The following AQR variants were observed in gnomAD, a reference collection of about 807,000 sequenced individuals.
AQR encodes the protein RNA helicase aquarius.
A neutral mutation model predicts 180.5 loss-of-function variants in AQR; 61 were observed. The observed-to-expected ratio is 0.34, with a 90% CI of 0.28 to 0.42. The LOEUF is 0.42. AQR is among the 10% of genes least tolerant of loss of function. The probability of loss-of-function intolerance (pLI) is 1.00; values close to 1 mark genes in which losing one functional copy is unlikely to be tolerated. For synonymous variants in AQR, 551 were observed against 588.8 expected (o/e 0.94, Z 0.93); for missense variants, 1,281 against 1,798.3 (o/e 0.71, Z 5.20).
At chr15:34,916,910 GA>G (rs1304182862) in intron 15 of AQR, among the ~76,000 whole-genome samples, 2 of 137,034 alleles carry the variant, frequency 1.5e-5, no homozygotes, top group African/African-American at 2.7e-5. Context: ...AAGAAAGAAA[GA>G]AAAAAAGGGA....
chr15:34,856,708 G>T lies in AQR; in HGVS notation c.*84C>A. 2 of 1,170,588 alleles carry T rather than the reference G, an allele frequency of 1.7e-6. No individual in the cohort carries two copies. Among genetic ancestry groups the T allele is most frequent in the South Asian group, 2.3e-5 (1 of 43,954 alleles). 72.5% of individuals were successfully genotyped at this position (1,170,588 alleles called of 1,614,324 possible). ...AACATTAATTAGTGACAGTAAAATG[G>T]CAGAAGCAAATATAAAATACAAAAA... On this transcript the variant is annotated 3_prime_UTR_variant, in exon 35 of 35. Coordinates refer to ENST00000156471, the MANE Select transcript of AQR (RefSeq NM_014691.3).
intron 16 of AQR, 77 bp from the exon 17 acceptor site, chr15:34,910,390 A>C (rs552054545): frequency 1.3e-6 from 2 of 1,482,396 alleles, no homozygotes; most frequent in Admixed American, 3.7e-5. Flanking sequence ...AAAACTAGTA[A>C]GTAGGAATAC....
At chr15:34,914,899 T>C in intron 16 of AQR, 139 bp downstream of exon 16, 2 of 882,460 alleles carry the variant, frequency 2.3e-6, no homozygotes, top group Non-Finnish European at 3.2e-6. Flanking sequence ...TAAAAATGTC[T>C]CAAAGAGTAA....
chr15:34,900,676 C>T lies in AQR; in HGVS notation c.2189G>A (p.Gly730Asp). 6.2e-7 allele frequency: 1 copy of T among 1,614,100 alleles called. No homozygotes were observed. Among genetic ancestry groups the T allele is most frequent in the South Asian group, 1.1e-5 (1 of 91,076 alleles). The change falls in exon 20 of 35, where the codon GGT (glycine) becomes GAT (aspartate). Residue 730 changes from glycine to aspartate, a missense_variant. Around this residue, in one of 9 missense-constraint regions of AQR, gnomAD observed 112 missense variants for 128.6 expected, o/e 0.87. Coordinates refer to ENST00000156471, the MANE Select transcript of AQR (RefSeq NM_014691.3). The stretch of plus-strand genomic sequence containing the variant: ...TTCTACAGTTACTTTAACATTATGA[C>T]CAGGGAAGCTGGCTTTTAAATGCTC... ...SIEHLKASFP[G>D]HNVKVTVEDP...
chr15:34,963,132 A>C (rs2050289257), intron 2 of AQR, among the ~76,000 whole-genome samples: 1 of 152,148 alleles, frequency 6.6e-6, no homozygotes, highest in Admixed American at 6.5e-5. Context: ...TGTGTGAGCC[A>C]CTGCACAAGC....
intron 19 of AQR, among the ~76,000 whole-genome samples, chr15:34,902,917 T>C (rs1893354266): frequency 1.3e-5 from 2 of 152,162 alleles, no homozygotes; most frequent in Non-Finnish European, 2.9e-5. Context: ...GCTTGCTTCA[T>C]TGCTTTCTAA....
intron 32 of AQR, among the ~76,000 whole-genome samples, chr15:34,863,772 A>T (rs1395203163): frequency 6.6e-6 from 1 of 152,170 alleles, no homozygotes; most frequent in Non-Finnish European, 1.5e-5. Context: ...AAAGAATCTA[A>T]GTTTTTTAAA....
chr15:34,871,023 C>T lies in AQR; in HGVS notation c.3598-101G>A, dbSNP rs886187863. ...ATAAGCAAAACTTGTTCACTTTGCA[C>T]ACTGCAAGAAGTGAAGACTTAGTAA... On this transcript the variant is annotated intron_variant, in intron 30 of 34. Coordinates refer to ENST00000156471, the MANE Select transcript of AQR (RefSeq NM_014691.3). 13 of 1,163,970 alleles carry T rather than the reference C, an allele frequency of 1.1e-5. No homozygotes were observed. In the Admixed American group the frequency reaches 2.5e-4, roughly 22 times the overall value. The allele number at this position is 1,163,970 out of a possible 1,614,324, so 72.1% of individuals were successfully genotyped here. A position where few individuals can be genotyped will look rare whatever the true frequency, so the allele number is the denominator to read the frequency against.
chr15:34,968,006 T>G (rs1307426595), intron 1 of AQR, among the ~76,000 whole-genome samples: 1 of 151,770 alleles, frequency 6.6e-6, no homozygotes, highest in African/African-American at 2.4e-5. Context: ...AGAGACAGGG[T>G]TTCTCCATGT....
At chr15:34,902,599 G>C (rs1391109200) in intron 19 of AQR, among the ~76,000 whole-genome samples, 1 of 152,096 alleles carries the variant, frequency 6.6e-6, no homozygotes, top group East Asian at 1.9e-4. Flanking sequence ...AAAGGTGTAA[G>C]TTGTGTCTGA....
At chr15:34,932,153 T>G (rs1316659943) in intron 11 of AQR, among the ~76,000 whole-genome samples, 165 bp downstream of exon 11, 12 of 152,218 alleles carry the variant, frequency 7.9e-5, no homozygotes, top group Non-Finnish European at 1.6e-4. Flanking sequence ...GTTATATAAT[T>G]ACTAGAGGCA....
intron 32 of AQR, among the ~76,000 whole-genome samples, chr15:34,864,083 C>T (rs1489381082): frequency 6.6e-6 from 1 of 152,058 alleles, no homozygotes; most frequent in African/African-American, 2.4e-5. Context: ...ACAGAGAGAA[C>T]CAGGAATTGG....
intron 12 of AQR, among the ~76,000 whole-genome samples, chr15:34,929,019 T>G (rs1188699378): frequency 6.6e-6 from 1 of 152,230 alleles, no homozygotes; most frequent in Non-Finnish European, 1.5e-5. Flanking sequence ...TTCATATCCG[T>G]TGCCCACTTT....
In AQR at chr15:34,862,966, G is replaced by A; in HGVS notation, c.3930C>T (p.Phe1310=). 1.2e-6 allele frequency: 2 copies of A among 1,613,860 alleles called. No individual in the cohort carries two copies. Among genetic ancestry groups the A allele is most frequent in the Non-Finnish European group, 1.7e-6 (2 of 1,179,888 alleles). Residue 1310 remains phenylalanine (F), a synonymous_variant, in exon 33 of 35, where the codon TTC becomes TTT. Transcript: ENST00000156471. ...GLYIFARVSL[F]QNCFELTPAF... Reference sequence around the variant, plus strand: ...CTGGAGTCAGTTCAAAACAGTTTTGGAAGAGGGATACTCTGGCGAAGATAT... The same window carrying A: ...CTGGAGTCAGTTCAAAACAGTTTTGAAAGAGGGATACTCTGGCGAAGATAT...
intron 16 of AQR, among the ~76,000 whole-genome samples, chr15:34,911,095 C>CA (rs944053445): frequency 6.6e-6 from 1 of 151,984 alleles, no homozygotes; most frequent in African/African-American, 2.4e-5. Context: ...TCCATGTTGT[C>CA]AAAAAAAGGA....
chr15:34,873,456 T>C (rs1392416984), intron 30 of AQR, among the ~76,000 whole-genome samples: 1 of 152,046 alleles, frequency 6.6e-6, no homozygotes, highest in East Asian at 1.9e-4. Flanking sequence ...AAACAATTTA[T>C]GAGTTCTATA....
intron 16 of AQR, 138 bp downstream of exon 16, chr15:34,914,900 C>T: frequency 1.1e-6 from 1 of 889,900 alleles, no homozygotes; most frequent in Admixed American, 3.2e-5. Flanking sequence ...AAAAATGTCT[C>T]AAAGAGTAAA....
intron 34 of AQR, among the ~76,000 whole-genome samples, chr15:34,858,980 G>GA (rs1225310084): frequency 6.6e-6 from 1 of 152,052 alleles, no homozygotes; most frequent in Non-Finnish European, 1.5e-5. Context: ...GCAACTTCTA[G>GA]AAAAAACCTT....
In AQR at chr15:34,886,565, T is replaced by A. The variant is rs1266882729; in HGVS notation, c.2778A>T (p.Ser926=). 4 of 1,613,608 alleles carry A rather than the reference T, an allele frequency of 2.5e-6. No individual in the cohort carries two copies. The Admixed American group carries it at 5.0e-5, about 20-fold the overall frequency. Residue 926 remains serine (S), a synonymous_variant, in exon 25 of 35, where the codon TCA becomes TCT. Transcript: ENST00000156471. ...AATAGCCTGCAGTTTCACAGGTATATGAGGCATCTCCTGGAACCCCTAGAC... is the reference window on the plus strand; with the variant it reads ...AATAGCCTGCAGTTTCACAGGTATAAGAGGCATCTCCTGGAACCCCTAGAC... ...QKSLGVPGDA[S]YTCETAGYFF...
Sources: gnomAD v4.1 joint callset for allele counts (sites outside exome capture counted in the v4.1 genomes callset) on GRCh38, gnomAD v4.1.1 for gene constraint, gnomAD v4.1.1 regional missense constraint, MANE v1.5 for transcripts, NCBI Gene and HGNC (gene_info 2026-07-23, HGNC 2026-07-21) for gene names.